The following LTN1 variants were observed in gnomAD, a reference collection of about 807,000 sequenced individuals.
The protein encoded by LTN1 is E3 ubiquitin-protein ligase listerin.
LTN1 carries 88 observed loss-of-function variants against 201.2 expected under a neutral mutation model. That is an observed-to-expected ratio of 0.44 (90% CI 0.37 to 0.52). The LOEUF is 0.52. LTN1 is among the 20% of genes least tolerant of loss of function. LTN1 has a pLI of 0.00. For missense variants in LTN1, 1,752 were observed against 2,038.7 expected, an observed-to-expected ratio of 0.86 and a Z score of 2.71; for synonymous variants, 645 against 713.5, an observed-to-expected ratio of 0.90 and a Z score of 1.53.
intron 14 of LTN1, 140 bp from the exon 15 acceptor site, chr21:28,957,616 C>G (rs1367482792): frequency 4.4e-6 from 2 of 452,974 alleles, no homozygotes; most frequent in Non-Finnish European, 7.4e-6. Flanking sequence ...TGACATTCCC[C>G]CACCGATGAC....
rs371412897 is a variant in LTN1, at chr21:28,986,746, G to A, written c.231C>T (p.Val77=). ...MVLRKLSKKD[V]TTKLKAMQEF... ...GAAAACTTGCTTTTAATTTTGTGGTGACATCTTTCTTTGAAAGTTTCCGCA... is the reference window on the plus strand; with the variant it reads ...GAAAACTTGCTTTTAATTTTGTGGTAACATCTTTCTTTGAAAGTTTCCGCA... Residue 77 remains valine (V), a synonymous_variant, in exon 2 of 30, where the codon GTC becomes GTT. Coordinates refer to ENST00000361371, the MANE Select transcript of LTN1 (RefSeq NM_015565.3). The surrounding 1 kb of genome is among the most constrained non-coding windows in gnomAD (Gnocchi z 4.1). The A allele has an allele frequency of 1.6e-5, 25 of 1,610,166 alleles. No homozygotes were observed. The African/African-American group carries it at 3.1e-4, about 20-fold the overall frequency.
chr21:28,992,224 G>A (rs62224020), intron 1 of LTN1, among the ~76,000 whole-genome samples: 4,764 of 152,162 alleles, frequency 0.031, 109 homozygotes, highest in Middle Eastern at 0.12. Flanking sequence ...ACAGTGAAGA[G>A]ATCAGTGTGG....
chr21:28,976,118 TAA>T (rs11300900), intron 6 of LTN1, among the ~76,000 whole-genome samples: 10 of 145,164 alleles, frequency 6.9e-5, no homozygotes, highest in Non-Finnish European at 9.1e-5. Flanking sequence ...GCATTTTGGG[TAA>T]AAAAAAAAAA....
rs73901127 is a variant in LTN1, at chr21:28,964,142, T to C, written c.2163+1723A>G. On this transcript the variant is annotated intron_variant, in intron 11 of 29. Transcript: ENST00000361371. ...TAGATGATACAGCAGTGGCAGGGTT[T>C]GAAAGGATTGACTCCAATTTTGAAA... Among the ~76,000 whole-genome samples the C allele has an allele frequency of 2.9e-3, 439 of 152,350 alleles. 1 individual carries two copies. Among genetic ancestry groups the C allele is most frequent in the African/African-American group, 0.01 (424 of 41,584 alleles).
chr21:28,974,070 C>T (rs113103460), intron 6 of LTN1, among the ~76,000 whole-genome samples: 57 of 152,054 alleles, frequency 3.7e-4, no homozygotes, highest in African/African-American at 1.3e-3. Context: ...TCTTTGCAAA[C>T]TTGGGCAAAG....
Position 28,966,403 on chromosome 21 carries a change from C to A in LTN1, c.2088G>T (p.Met696Ile), listed in dbSNP as rs369102162. ...GATCATCCAAGACTTTTTTTCTTTC[C>A]ATATCATTGTCACAGCACCGGAGAG... ...YSALRCCDND[M>I]ERKKVLDDLT... Residue 696 changes from methionine (M) to isoleucine (I), a missense_variant, in exon 10 of 30, where the codon ATG becomes ATT. By Grantham distance (10) the Met-to-Ile change is conservative. Transcript: ENST00000361371. 1 of 1,604,850 alleles carries A rather than the reference C, an allele frequency of 6.2e-7. No homozygotes were observed. Among genetic ancestry groups the A allele is most frequent in the South Asian group, 1.1e-5 (1 of 89,120 alleles).
intron 1 of LTN1, among the ~76,000 whole-genome samples, chr21:28,990,601 A>G (rs757725710): frequency 2.6e-5 from 4 of 152,298 alleles, no homozygotes; most frequent in Middle Eastern, 6.8e-3. Flanking sequence ...TTTATAATGA[A>G]CAACACCTTA....
chr21:28,967,164 C>G lies in LTN1; in HGVS notation c.1327G>C (p.Asp443His). The G allele has an allele frequency of 6.2e-7, 1 of 1,606,986 alleles. No homozygotes were observed. Among genetic ancestry groups the G allele is most frequent in the Non-Finnish European group, 8.5e-7 (1 of 1,177,508 alleles). Reference sequence around the variant, plus strand: ...AATCCTGGGTCTTTGAGAACTGCATCAATAAAAGGGATCAACTGAAAGAAA... The same window carrying G: ...AATCCTGGGTCTTTGAGAACTGCATGAATAAAAGGGATCAACTGAAAGAAA... ...LVNDQLIPFI[D>H]AVLKDPGLQH... Residue 443 changes from aspartate (D) to histidine (H), a missense_variant, in exon 10 of 30, where the codon GAT (aspartate) becomes CAT (histidine). Transcript: ENST00000361371.
chr21:28,967,272 GTGATATC>G, intron 9 of LTN1, 93 bp from the exon 10 acceptor site: 2 of 884,162 alleles, frequency 2.3e-6, no homozygotes, highest in Non-Finnish European at 3.4e-6. Context: ...AATCTCCAAA[GTGATATC>G]ATTTCATAAG....
At chr21:28,973,451 T>A (rs933829469) in intron 6 of LTN1, among the ~76,000 whole-genome samples, 16 of 151,716 alleles carry the variant, frequency 1.1e-4, no homozygotes, top group African/African-American at 3.1e-4. Flanking sequence ...GAGTATAATA[T>A]TTTGTGAGAT....
At position 28,945,868 on chromosome 21, in the gene LTN1, G is replaced by A. The variant is rs202146168; in HGVS notation, c.3707C>T (p.Ser1236Leu). ...RFLSLFLKYC[S>L]SPLAESEWDF... ...CCACTCACTCTCTGCCAAAGGGGAT[G>A]AGCAGTATTTCAGAAATAGGGAAAG... The change falls in exon 21 of 30, where the codon TCA becomes TTA. Residue 1236 changes from serine (S) to leucine (L), a missense_variant. Transcript: ENST00000361371. 9.0e-5 allele frequency: 146 copies of A among 1,613,802 alleles called. 1 individual carries two copies. The South Asian group carries it at 1.6e-3, about 17-fold the overall frequency.
intron 16 of LTN1, among the ~76,000 whole-genome samples, chr21:28,954,006 T>C (rs1403212775): frequency 6.6e-6 from 1 of 152,184 alleles, no homozygotes; most frequent in Non-Finnish European, 1.5e-5. Flanking sequence ...GTCAGAAGCA[T>C]TGTGACCTGG....
intron 11 of LTN1, chr21:28,964,569 G>A: frequency 6.6e-7 from 1 of 1,516,258 alleles, no homozygotes; most frequent in Non-Finnish European, 8.9e-7. Context: ...GTGTGGAACT[G>A]AACTTACGAT....
In LTN1 at chr21:28,979,036, G is replaced by T. The variant is rs141022250; in HGVS notation, c.810+2083C>A. ...TGCCTACTGAAGGCTAGAATATAAGGTTATGTAGTAGCAGCTAAATGCTGC... is the reference window on the plus strand; with the variant it reads ...TGCCTACTGAAGGCTAGAATATAAGTTTATGTAGTAGCAGCTAAATGCTGC... On this transcript the variant is annotated intron_variant, in intron 6 of 29. Transcript: ENST00000361371. 2.6e-5 allele frequency among the ~76,000 whole-genome samples: 4 copies of T among 152,328 alleles called. No homozygotes were observed. In the East Asian group the frequency reaches 7.7e-4, roughly 29 times the overall value.
At chr21:28,978,723 T>A (rs1310752016) in intron 6 of LTN1, among the ~76,000 whole-genome samples, 5 of 152,102 alleles carry the variant, frequency 3.3e-5, no homozygotes, top group Non-Finnish European at 7.3e-5. Context: ...AAAGATAATC[T>A]GTCATGAGAT....
At chr21:28,944,815 C>T (rs1198333114) in intron 21 of LTN1, among the ~76,000 whole-genome samples, 1 of 152,188 alleles carries the variant, frequency 6.6e-6, no homozygotes, top group African/African-American at 2.4e-5. Flanking sequence ...ACAATTTATT[C>T]TCAAGTACCC....
rs772513606 is a variant in LTN1 at position 28,943,346 on chromosome 21, A to C, written c.4221-10T>G. The C allele has an allele frequency of 1.3e-6, 2 of 1,523,676 alleles. No homozygotes were observed. Among genetic ancestry groups the C allele is most frequent in the East Asian group, 4.5e-5 (2 of 44,250 alleles). The allele number at this position is 1,523,676 out of a possible 1,614,324, so 94.4% of individuals were successfully genotyped here. A position where few individuals can be genotyped will look rare whatever the true frequency, so the allele number is the denominator to read the frequency against. On this transcript the variant is annotated splice_polypyrimidine_tract_variant and intron_variant, in intron 23 of 29. Transcript: ENST00000361371. ...TAATTCAGGCATCAATCTAGAAATT[A>C]GAACATTATTTTTAAATATGTGATA...
rs144950236 is a variant in LTN1, at chr21:28,966,919, C to T, written c.1572G>A (p.Lys524=). The change falls in exon 10 of 30, where the codon AAG becomes AAA. Residue 524 remains lysine, a synonymous_variant. Transcript: ENST00000361371. ...GVSNLLQVLQ[K]PKSSLKSSKK... ...TACTTGACTTCAATGAGCTCTTCGG[C>T]TTCTGAAGCACCTGTAATAGGTTAG... The T allele has an allele frequency of 2.5e-6, 4 of 1,613,070 alleles. No individual in the cohort carries two copies. The highest frequency in any genetic ancestry group is 1.3e-5 in the African/African-American group (1 of 74,788).
rs1380380899 is a variant in LTN1 at position 28,986,465 on chromosome 21, T to C, written c.247-228A>G. 1 of 674,816 alleles carries C rather than the reference T, an allele frequency of 1.5e-6. No homozygotes were observed. The highest frequency in any genetic ancestry group is 1.6e-5 in the South Asian group (1 of 62,226). The allele number at this position is 674,816 out of a possible 1,614,324, so 41.8% of individuals were successfully genotyped here. ...ACAAACAAAAAAACCTCATTTAAAG[T>C]TACAAGGTCAAAGTTACATTCCCTA... On this transcript the variant is annotated intron_variant, in intron 2 of 29. Transcript: ENST00000361371. This position sits in a 1 kb window ranked among gnomAD's most constrained non-coding sequence, Gnocchi z 4.1.
Sources: allele counts gnomAD v4.1 joint callset (sites outside exome capture counted in the v4.1 genomes callset), GRCh38; gene constraint gnomAD v4.1.1; non-coding constraint Gnocchi (gnomAD v3.1); transcripts MANE v1.5; gene names NCBI Gene and HGNC (gene_info 2026-07-23, HGNC 2026-07-21).